FAF1: variants seen among roughly 807,000 people sequenced by gnomAD.
FAF1 encodes the protein FAS-associated factor 1.
FAF1 carries 25 observed loss-of-function variants against 92.5 expected under a neutral mutation model. The observed-to-expected ratio is 0.27, with a 90% confidence interval of 0.20 to 0.38. The LOEUF is 0.38. Among genes scored for constraint, FAF1 ranks in the 10% least tolerant of loss-of-function variants. FAF1 has a pLI of 1.00. For missense variants in FAF1, 636 were observed against 793.3 expected, an observed-to-expected ratio of 0.80 and a Z score of 2.38; for synonymous variants, 234 against 273.2, an observed-to-expected ratio of 0.86 and a Z score of 1.42.
intron 4 of FAF1, among the ~76,000 whole-genome samples, chr1:50,753,882 T>A (rs1291304121): frequency 6.6e-6 from 1 of 151,864 alleles, no homozygotes; most frequent in Non-Finnish European, 1.5e-5. Context: ...CTCAGTCTCC[T>A]GAGTAGCTGG....
chr1:50,930,751 C>A (rs1029909343), intron 1 of FAF1, among the ~76,000 whole-genome samples: 1 of 151,960 alleles, frequency 6.6e-6, no homozygotes, highest in Non-Finnish European at 1.5e-5. Flanking sequence ...TGCAATGAGC[C>A]GAGATCGTGC....
At chr1:50,901,559 A>G (rs908835131) in intron 1 of FAF1, among the ~76,000 whole-genome samples, 2 of 145,494 alleles carry the variant, frequency 1.4e-5, no homozygotes, top group African/African-American at 2.7e-5. Flanking sequence ...ATTTAAAAAG[A>G]AAAAAAAAAC....
At chr1:50,940,302 T>C (rs534061274) in intron 1 of FAF1, among the ~76,000 whole-genome samples, 6 of 152,360 alleles carry the variant, frequency 3.9e-5, no homozygotes, top group Non-Finnish European at 7.3e-5. Context: ...CCAGTCAGCA[T>C]TGGCAGAGTA....
At chr1:50,610,629 T>C (rs2124134727) in intron 8 of FAF1, among the ~76,000 whole-genome samples, 1 of 152,306 alleles carries the variant, frequency 6.6e-6, no homozygotes, top group East Asian at 1.9e-4. Context: ...GCTTATTTTA[T>C]CTCCCCACAA....
intron 8 of FAF1, among the ~76,000 whole-genome samples, chr1:50,636,986 AC>A (rs1654044689): frequency 2.0e-5 from 3 of 152,114 alleles, no homozygotes; most frequent in Admixed American, 1.3e-4. Context: ...TTTGCACAAA[AC>A]CAATTAACAG....
rs1440891833 is a variant in FAF1 at position 50,724,254 on chromosome 1, A to C, written c.551+14609T>G. 2.1e-5 allele frequency among the ~76,000 whole-genome samples: 3 copies of C among 143,920 alleles called. No homozygotes were observed. In the Admixed American group the frequency reaches 2.1e-4, roughly 10 times the overall value. The allele number at this position is 143,920 out of a possible 152,430, so 94.4% of individuals were successfully genotyped here. ...CTGTCTTTCAAAAAAAAAAAAAAAA[A>C]ACAACCATATATATATACATATACA... On this transcript the variant is annotated intron_variant, in intron 6 of 18. Transcript: ENST00000396153.
chr1:50,558,684 TG>T (rs1439195302), intron 13 of FAF1, among the ~76,000 whole-genome samples: 5 of 152,252 alleles, frequency 3.3e-5, no homozygotes, highest in Admixed American at 3.3e-4. Flanking sequence ...ATATCACCTT[TG>T]TATCTTAGCT....
chr1:50,635,286 G>A (rs1653959815), intron 8 of FAF1, among the ~76,000 whole-genome samples: 1 of 152,142 alleles, frequency 6.6e-6, no homozygotes, highest in Non-Finnish European at 1.5e-5. Flanking sequence ...CTGAATAATT[G>A]TAAACCTTCA....
intron 4 of FAF1, among the ~76,000 whole-genome samples, chr1:50,785,622 GAAAGA>G (rs952861207): frequency 6.6e-5 from 10 of 150,868 alleles, no homozygotes; most frequent in Non-Finnish European, 7.4e-5. Context: ...AAAAAAAAAG[GAAAGA>G]AAAGAAAAGG....
In FAF1 at chr1:50,922,780, T is replaced by C. The variant is rs113928378; in HGVS notation, c.45+36987A>G. The stretch of plus-strand genomic sequence containing the variant: ...GTTGCAGTGAGCCAAGATCACGCCA[T>C]TGCACTCCAGCCCAGGCAACAGTGC... On this transcript the variant is annotated intron_variant, in intron 1 of 18. Coordinates refer to ENST00000396153, the MANE Select transcript of FAF1 (RefSeq NM_007051.3). Among the ~76,000 whole-genome samples the C allele has an allele frequency of 1.9e-3, 271 of 141,004 alleles. 2 individuals are homozygous for C. Among genetic ancestry groups the C allele is most frequent in the African/African-American group, 6.7e-3 (248 of 37,052 alleles). The allele number at this position is 141,004 out of a possible 152,430, so 92.5% of individuals were successfully genotyped here.
chr1:50,683,733 G>A (rs1286403969), intron 7 of FAF1, among the ~76,000 whole-genome samples: 1 of 151,870 alleles, frequency 6.6e-6, no homozygotes, highest in Non-Finnish European at 1.5e-5. Flanking sequence ...GGGAGTTCGA[G>A]ACCAGCCTGA....
intron 15 of FAF1, among the ~76,000 whole-genome samples, chr1:50,507,568 A>G (rs1647074071): frequency 6.6e-6 from 1 of 152,144 alleles, no homozygotes; most frequent in Non-Finnish European, 1.5e-5. Context: ...GGCGAGACCC[A>G]TAAAAAATAA....
At chr1:50,449,631 A>G (rs544677829) in intron 18 of FAF1, among the ~76,000 whole-genome samples, 4 of 151,510 alleles carry the variant, frequency 2.6e-5, no homozygotes, top group Non-Finnish European at 4.4e-5. Flanking sequence ...TTGGGACTAC[A>G]GGCATGCACC....
chr1:50,629,646 C>A (rs17383851), intron 8 of FAF1, among the ~76,000 whole-genome samples: 36,617 of 152,008 alleles, frequency 0.24, 4,752 homozygotes, highest in Middle Eastern at 0.44. Flanking sequence ...TTTTCAATAC[C>A]CCTTCTTTCT....
chr1:50,587,961 A>C (rs766750285), intron 9 of FAF1, among the ~76,000 whole-genome samples: 2 of 152,178 alleles, frequency 1.3e-5, no homozygotes, highest in Non-Finnish European at 2.9e-5. Flanking sequence ...ACATTCACCA[A>C]CTACCTATTA....
At chr1:50,890,665 T>C (rs1644711671) in intron 1 of FAF1, among the ~76,000 whole-genome samples, 1 of 152,222 alleles carries the variant, frequency 6.6e-6, no homozygotes, top group Admixed American at 6.5e-5. Flanking sequence ...AAAATTCTTT[T>C]CTTTGAGAAT....
chr1:50,915,981 G>A (rs1570136028), intron 1 of FAF1, among the ~76,000 whole-genome samples: 1 of 151,944 alleles, frequency 6.6e-6, no homozygotes, highest in African/African-American at 2.4e-5. Flanking sequence ...AGAAAAAAGC[G>A]AATCAAACAA....
chr1:50,763,136 T>C (rs1660399074), intron 4 of FAF1, among the ~76,000 whole-genome samples: 1 of 152,030 alleles, frequency 6.6e-6, no homozygotes, highest in Non-Finnish European at 1.5e-5. Context: ...CATGCGTCTG[T>C]AGTCCCAGCT....
At chr1:50,710,730 G>A (rs1657887588) in intron 6 of FAF1, among the ~76,000 whole-genome samples, 1 of 151,504 alleles carries the variant, frequency 6.6e-6, no homozygotes, top group Admixed American at 6.6e-5. Flanking sequence ...AGCCTCCTGA[G>A]TAGCTAGGAC....
Sources: gnomAD v4.1 joint callset for allele counts (sites outside exome capture counted in the v4.1 genomes callset) on GRCh38, gnomAD v4.1.1 for gene constraint, MANE v1.5 for transcripts, NCBI Gene and HGNC (gene_info 2026-07-23, HGNC 2026-07-21) for gene names.